The following LRBA variants were observed in gnomAD, a reference collection of about 807,000 sequenced individuals.
LRBA encodes lipopolysaccharide-responsive and beige-like anchor protein.
LRBA carries 176 observed loss-of-function variants against 330.0 expected under a neutral mutation model. The ratio of observed to expected loss-of-function variants is 0.53; its 90% CI spans 0.47 to 0.60. The LOEUF is 0.60. Ranked by LOEUF, LRBA falls within the 20% of genes least tolerant of loss-of-function variation. The pLI is 0.00. For missense variants in LRBA, 3,259 were observed against 3,444.8 expected, an observed-to-expected ratio of 0.95 and a Z score of 1.35; for synonymous variants, 1,230 against 1,193.0, an observed-to-expected ratio of 1.03 and a Z score of -0.64.
intron 24 of LRBA, 62 bp downstream of exon 24, chr4:150,850,662 G>C: frequency 1.0e-6 from 1 of 982,298 alleles, no homozygotes; most frequent in Non-Finnish European, 1.5e-6. Context: ...TGTTTCTATG[G>C]ATTTCTTTGA....
chr4:150,394,294 A>G (rs1018506302), intron 47 of LRBA, among the ~76,000 whole-genome samples: 3 of 152,326 alleles, frequency 2.0e-5, no homozygotes, highest in Middle Eastern at 3.4e-3. Context: ...TCTGAGTATG[A>G]ATGCATATTC....
intron 37 of LRBA, among the ~76,000 whole-genome samples, chr4:150,610,752 T>C (rs572332291): frequency 6.6e-6 from 1 of 152,296 alleles, no homozygotes; most frequent in Non-Finnish European, 1.5e-5. Flanking sequence ...AAATCCATGA[T>C]CTTTCTGGAC....
intron 2 of LRBA, among the ~76,000 whole-genome samples, chr4:151,006,865 C>T (rs1293916643): frequency 1.3e-5 from 2 of 152,098 alleles, no homozygotes; most frequent in Non-Finnish European, 2.9e-5. Context: ...TTGTAATTAT[C>T]ATTAATATTA....
intron 34 of LRBA, among the ~76,000 whole-genome samples, chr4:150,784,719 T>C (rs1050213861): frequency 6.6e-6 from 1 of 152,152 alleles, no homozygotes; most frequent in African/African-American, 2.4e-5. Flanking sequence ...TCCTTCTTTC[T>C]TTCCCCTTTC....
intron 47 of LRBA, among the ~76,000 whole-genome samples, chr4:150,358,953 C>T (rs1158666042): frequency 6.6e-6 from 1 of 152,106 alleles, no homozygotes; most frequent in Non-Finnish European, 1.5e-5. Context: ...CTGCATGGCA[C>T]CAATGATTCC....
chr4:150,935,178 GAA>G (rs11294903), intron 2 of LRBA, among the ~76,000 whole-genome samples: 4,487 of 138,646 alleles, frequency 0.032, 108 homozygotes, highest in East Asian at 0.12. Context: ...TCCGTCTCAC[GAA>G]AAAAAAAAAA....
At chr4:150,447,752 T>C (rs765738405) in intron 44 of LRBA, among the ~76,000 whole-genome samples, 1 of 152,232 alleles carries the variant, frequency 6.6e-6, no homozygotes, top group Non-Finnish European at 1.5e-5. Context: ...TATTTCTTCA[T>C]ATTTTGAGAT....
chr4:150,539,174 T>C (rs1029214949), intron 40 of LRBA, among the ~76,000 whole-genome samples: 1 of 152,036 alleles, frequency 6.6e-6, no homozygotes, highest in Admixed American at 6.6e-5. Flanking sequence ...TGGGGTTTCA[T>C]CATGTTGTTC....
intron 2 of LRBA, among the ~76,000 whole-genome samples, chr4:150,938,770 T>C (rs1397167661): frequency 6.6e-6 from 1 of 152,162 alleles, no homozygotes; most frequent in Non-Finnish European, 1.5e-5. Context: ...ATCATAGAAC[T>C]GCCACACTAG....
chr4:150,730,239 G>A (rs1450008282), intron 36 of LRBA, among the ~76,000 whole-genome samples: 1 of 152,168 alleles, frequency 6.6e-6, no homozygotes, highest in Non-Finnish European at 1.5e-5. Flanking sequence ...TATTTGCAAA[G>A]CTACCCATCT....
chr4:150,900,734 T>C (rs1560980646), intron 13 of LRBA, among the ~76,000 whole-genome samples: 1 of 152,114 alleles, frequency 6.6e-6, no homozygotes, highest in Non-Finnish European at 1.5e-5. Context: ...AGAGTTTACC[T>C]TGAAGAATAT....
intron 2 of LRBA, among the ~76,000 whole-genome samples, chr4:151,005,677 T>C (rs1743989572): frequency 7.0e-6 from 1 of 142,238 alleles, no homozygotes; most frequent in African/African-American, 2.7e-5. Flanking sequence ...CAATCTCAGC[T>C]CACACCAACC....
At chr4:150,856,294 T>G (rs183409944) in intron 22 of LRBA, among the ~76,000 whole-genome samples, 2 of 152,334 alleles carry the variant, frequency 1.3e-5, no homozygotes, top group East Asian at 3.9e-4. Context: ...CCAGATGGAC[T>G]GTCATCTGCC....
chr4:150,929,026 T>TA lies in LRBA; in HGVS notation c.255dup (p.Ile86TyrfsTer5). 1 of 1,612,756 alleles carries TA rather than the reference T, an allele frequency of 6.2e-7. No individual in the cohort carries two copies. Among genetic ancestry groups the TA allele is most frequent in the South Asian group, 1.1e-5 (1 of 91,030 alleles). ...CAGTTAATACTCTCACCTTCTTGGATAATGAAATTCATTTCCAGATCAAAC... is the reference window on the plus strand; with the variant it reads ...CAGTTAATACTCTCACCTTCTTGGATAAATGAAATTCATTTCCAGATCAAAC... On this transcript the variant is annotated frameshift_variant, in exon 3 of 57. Transcript: ENST00000651943. LOFTEE classifies it high-confidence loss of function.
chr4:150,829,264 A>G (rs765775593), intron 29 of LRBA, among the ~76,000 whole-genome samples: 3 of 152,104 alleles, frequency 2.0e-5, no homozygotes, highest in Non-Finnish European at 2.9e-5. Context: ...GATAAAATAA[A>G]AAGCTCTACC....
intron 34 of LRBA, among the ~76,000 whole-genome samples, chr4:150,792,891 G>A (rs1740185523): frequency 6.6e-6 from 1 of 152,070 alleles, no homozygotes; most frequent in South Asian, 2.1e-4. Flanking sequence ...GACCAGCCTG[G>A]CCAACATGGT....
rs531054042 is a variant in LRBA, at chr4:150,662,540, G to A, written c.5921+21011C>T. Among the ~76,000 whole-genome samples, 3 of 152,324 alleles carry A rather than the reference G, an allele frequency of 2.0e-5. No homozygotes were observed. The East Asian group carries it at 5.8e-4, about 29-fold the overall frequency. On this transcript the variant is annotated intron_variant, in intron 37 of 56. Coordinates refer to ENST00000651943, the MANE Select transcript of LRBA (RefSeq NM_001364905.1). ...TTCCTACATTCCAATATGTAGACAA[G>A]GTTAAGAACTACTGCTGTATGGTAT...
chr4:150,365,272 G>T (rs1053960371), intron 47 of LRBA, among the ~76,000 whole-genome samples: 1 of 152,082 alleles, frequency 6.6e-6, no homozygotes, highest in Non-Finnish European at 1.5e-5. Context: ...CTCCCAAAGA[G>T]ATGGGATTAC....
At chr4:150,434,267 C>G (rs1333241976) in intron 46 of LRBA, among the ~76,000 whole-genome samples, 1 of 151,790 alleles carries the variant, frequency 6.6e-6, no homozygotes, top group Non-Finnish European at 1.5e-5. Context: ...AAAGAGACAC[C>G]ATTTAAAAAA....
Sources: allele counts gnomAD v4.1 joint callset (sites outside exome capture counted in the v4.1 genomes callset), GRCh38; gene constraint gnomAD v4.1.1; transcripts MANE v1.5; gene names NCBI Gene and HGNC (gene_info 2026-07-23, HGNC 2026-07-21).